The following MKLN1 variants were observed in gnomAD, a reference collection of about 807,000 sequenced individuals.
MKLN1 encodes the protein muskelin.
MKLN1 carries 18 observed loss-of-function variants against 99.0 expected under a neutral mutation model. The ratio of observed to expected loss-of-function variants is 0.18; its 90% CI spans 0.13 to 0.27. The LOEUF (loss-of-function observed/expected upper bound fraction) is 0.27, where lower values mean the gene tolerates loss of function less well. Ranked by LOEUF, MKLN1 falls within the 10% of genes least tolerant of loss-of-function variation. MKLN1 has a pLI of 1.00. For synonymous variants in MKLN1, 288 were observed against 293.2 expected (o/e 0.98, Z 0.18); for missense variants, 621 against 875.9 (o/e 0.71, Z 3.67).
chr7:131,192,120 C>A (rs569142634), intron 2 of MKLN1, among the ~76,000 whole-genome samples: 3 of 72,906 alleles, frequency 4.1e-5, no homozygotes, highest in East Asian at 2.5e-4. Flanking sequence ...TATATATATA[C>A]GTATATATAT....
intron 3 of MKLN1, among the ~76,000 whole-genome samples, chr7:131,280,358 A>G (rs1798033321): frequency 6.6e-6 from 1 of 152,210 alleles, no homozygotes; most frequent in South Asian, 2.1e-4. Flanking sequence ...TGGTAACCGT[A>G]TGTTCAGCAT....
At chr7:131,458,767 C>G (rs1467247577) in intron 12 of MKLN1, among the ~76,000 whole-genome samples, 2 of 151,838 alleles carry the variant, frequency 1.3e-5, no homozygotes, top group Non-Finnish European at 2.9e-5. Flanking sequence ...TTATTTTGCC[C>G]TCGTTAAGAT....
intron 12 of MKLN1, among the ~76,000 whole-genome samples, chr7:131,460,309 GA>G (rs1796477891): frequency 1.3e-5 from 2 of 152,018 alleles, no homozygotes; most frequent in African/African-American, 4.8e-5. Flanking sequence ...TAACATTTAT[GA>G]ATAAAGGACT....
intron 3 of MKLN1, chr7:131,243,088 G>A (rs370734003): frequency 1.2e-4 from 53 of 439,094 alleles, no homozygotes; most frequent in South Asian, 3.9e-4. Flanking sequence ...CCATGGTACC[G>A]TCCTAGTGAA....
intron 1 of MKLN1, among the ~76,000 whole-genome samples, chr7:131,111,614 C>G (rs933195011): frequency 6.6e-6 from 1 of 151,986 alleles, no homozygotes; most frequent in African/African-American, 2.4e-5. Flanking sequence ...GAGTAGACTG[C>G]CAGTTGCCAT....
chr7:131,268,204 T>G (rs1054551144), intron 3 of MKLN1, among the ~76,000 whole-genome samples: 1 of 152,210 alleles, frequency 6.6e-6, no homozygotes, highest in Non-Finnish European at 1.5e-5. Flanking sequence ...TGGGAATTTC[T>G]AAGGCTTTAA....
chr7:131,177,295 G>A (rs558513667), intron 2 of MKLN1, among the ~76,000 whole-genome samples: 8 of 152,060 alleles, frequency 5.3e-5, no homozygotes, highest in South Asian at 2.1e-4. Flanking sequence ...GTGAAACCCC[G>A]TCTCTACTGA....
intron 4 of MKLN1, among the ~76,000 whole-genome samples, chr7:131,390,541 G>C (rs1224566712): frequency 6.6e-6 from 1 of 151,774 alleles, no homozygotes; most frequent in African/African-American, 2.4e-5. Context: ...TTTCCCCCCA[G>C]CTTTACTAAG....
At chr7:131,322,550 C>G (rs999501377) in intron 3 of MKLN1, among the ~76,000 whole-genome samples, 1 of 147,864 alleles carries the variant, frequency 6.8e-6, no homozygotes, top group Non-Finnish European at 1.5e-5. Flanking sequence ...AAGGGAACTG[C>G]CAAACACTTT....
chr7:131,443,843 G>T, intron 11 of MKLN1, 141 bp downstream of exon 11: 1 of 676,238 alleles, frequency 1.5e-6, no homozygotes, highest in Non-Finnish European at 2.5e-6. Context: ...ACAGTGAACT[G>T]TTTGCTAATT....
At chr7:131,300,283 T>C (rs4731783) in intron 3 of MKLN1, among the ~76,000 whole-genome samples, 127,240 of 151,742 alleles carry the variant, frequency 0.84, 53,364 homozygotes, top group Admixed American at 0.86. Context: ...GTGAAGGAGA[T>C]GGCAGGCAGG....
Position 131,271,691 on chromosome 7 carries a change from C to T in MKLN1, c.-179+68717C>T, listed in dbSNP as rs1194209198. Among the ~76,000 whole-genome samples the T allele has an allele frequency of 4.0e-5, 6 of 150,976 alleles. No individual in the cohort carries two copies. In the East Asian group the frequency reaches 1.2e-3, roughly 29 times the overall value. The stretch of plus-strand genomic sequence containing the variant: ...TAATCCCAGCACTTTGGGAGGCTGA[C>T]GCAGGTCAGGAGTTTGAGACCAGCT... On this transcript the variant is annotated intron_variant, in intron 3 of 7. Transcript: ENST00000416992.
At chr7:131,321,079 G>A (rs1482226559) in intron 3 of MKLN1, among the ~76,000 whole-genome samples, 2 of 152,092 alleles carry the variant, frequency 1.3e-5, no homozygotes, top group East Asian at 3.9e-4. Flanking sequence ...TCCCATTACT[G>A]GATATACACC....
At chr7:131,381,023 T>C (rs1793831529) in intron 2 of MKLN1, among the ~76,000 whole-genome samples, 1 of 152,350 alleles carries the variant, frequency 6.6e-6, no homozygotes, top group South Asian at 2.1e-4. Flanking sequence ...TAATCTTGTC[T>C]TATGTATGTT....
chr7:131,243,946 A>G (rs988452375), intron 3 of MKLN1, among the ~76,000 whole-genome samples: 2 of 152,276 alleles, frequency 1.3e-5, no homozygotes, highest in African/African-American at 4.8e-5. Flanking sequence ...ACCAGGAGGC[A>G]GAGGTTGAAG....
chr7:131,331,055 G>A (rs1244412638), intron 1 of MKLN1, among the ~76,000 whole-genome samples: 6 of 152,022 alleles, frequency 3.9e-5, no homozygotes, highest in Non-Finnish European at 8.8e-5. Flanking sequence ...GCTAATCCCT[G>A]TACTCAAATG....
chr7:131,397,564 CTA>C (rs1794396742), intron 5 of MKLN1, among the ~76,000 whole-genome samples, 188 bp downstream of exon 5: 2 of 152,160 alleles, frequency 1.3e-5, no homozygotes, highest in African/African-American at 4.8e-5. Context: ...CATTATCACT[CTA>C]TGAGACAGGT....
At chr7:131,115,313 T>C (rs769306409) in intron 1 of MKLN1, among the ~76,000 whole-genome samples, 34 of 152,190 alleles carry the variant, frequency 2.2e-4, no homozygotes, top group Non-Finnish European at 3.7e-4. Context: ...TCTTGATTCT[T>C]CTCTTTTCCT....
chr7:131,481,154 G>A (rs183955642), intron 17 of MKLN1, among the ~76,000 whole-genome samples: 25 of 152,270 alleles, frequency 1.6e-4, no homozygotes, highest in Non-Finnish European at 3.5e-4. Flanking sequence ...CTGAGGGGAG[G>A]TATTATATAG....
Sources: gnomAD v4.1 joint callset for allele counts (sites outside exome capture counted in the v4.1 genomes callset) on GRCh38, gnomAD v4.1.1 for gene constraint, MANE v1.5 for transcripts, NCBI Gene and HGNC (gene_info 2026-07-23, HGNC 2026-07-21) for gene names.